The following GPR63 variants were observed in gnomAD, a reference collection of about 807,000 sequenced individuals.
GPR63 encodes G protein-coupled receptor 63.
Under a neutral mutation model 23.1 loss-of-function variants are expected in GPR63, and 12 were observed. The observed-to-expected ratio is 0.52, with a 90% CI of 0.33 to 0.84. The LOEUF (loss-of-function observed/expected upper bound fraction) is 0.84, where lower values mean the gene tolerates loss of function less well. GPR63 is among the 40% of genes least tolerant of loss of function. The pLI is 0.02. For synonymous variants in GPR63, 172 were observed against 191.1 expected (o/e 0.90, Z 0.82); for missense variants, 472 against 515.6 (o/e 0.92, Z 0.82).
Position 96,794,760 on chromosome 6 carries a change from G to C in GPR63, c.*3712C>G, listed in dbSNP as rs1562108636. The C allele has an allele frequency of 6.6e-6, 1 of 152,096 alleles. No homozygotes were observed. The highest frequency in any genetic ancestry group is 1.5e-5 in the Non-Finnish European group (1 of 68,018). The allele number at this position is 152,096 out of a possible 1,614,324, so 9.4% of individuals were successfully genotyped here. A position where few individuals can be genotyped will look rare whatever the true frequency, so the allele number is the denominator to read the frequency against. ...AGAAAATAAAATATGAGCATAATTA[G>C]ACTGCTGAAAGTCATGACTTTCAAT... is the stretch of plus-strand genomic sequence containing the variant. On this transcript the variant is annotated 3_prime_UTR_variant, in exon 2 of 2. Transcript: ENST00000229955.
chr6:96,825,168 A>G (rs1170858175), intron 1 of GPR63, among the ~76,000 whole-genome samples: 4 of 152,172 alleles, frequency 2.6e-5, no homozygotes, highest in Non-Finnish European at 5.9e-5. Context: ...AGTGATGTGT[A>G]TATGTGTATG....
chr6:96,824,661 A>C lies in GPR63; in HGVS notation c.-151+12607T>G, dbSNP rs541003120. Among the ~76,000 whole-genome samples the C allele has an allele frequency of 3.5e-3, 526 of 152,066 alleles. 5 individuals carry two copies. Among genetic ancestry groups the C allele is most frequent in the African/African-American group, 0.012 (501 of 41,488 alleles). On this transcript the variant is annotated intron_variant, in intron 1 of 1. Coordinates refer to ENST00000229955, the MANE Select transcript of GPR63 (RefSeq NM_030784.4). ...ACTTTTAAAAAAATGAAAAAAAAAA[A>C]AAATGATAAAATGGCTGTGTTCTTA...
At position 96,799,489 on chromosome 6, in the gene GPR63, C is replaced by G. The variant is rs1259399805; in HGVS notation, c.243G>C (p.Gln81His). 8 of 1,614,026 alleles carry G rather than the reference C, an allele frequency of 5.0e-6. No homozygotes were observed. Among genetic ancestry groups the G allele is most frequent in the East Asian group, 2.2e-5 (1 of 44,878 alleles). Residue 81 changes from glutamine (Q) to histidine (H), a missense_variant, in exon 2 of 2, where the codon CAG becomes CAC. Physicochemically the swap from Gln to His is conservative, Grantham distance 24. Transcript: ENST00000229955. ...AAFKSLNLPL[Q>H]ITLSAIMIFI... ...ATATCATTATAGCAGAAAGGGTGAT[C>G]TGAAGAGGCAAGTTTAGGCTCTTAA... is the stretch of plus-strand genomic sequence containing the variant.
At chr6:96,816,057 T>C (rs1414489458) in intron 1 of GPR63, among the ~76,000 whole-genome samples, 7 of 152,194 alleles carry the variant, frequency 4.6e-5, no homozygotes, top group Non-Finnish European at 5.9e-5. Flanking sequence ...ATTATTCTGG[T>C]CTATTAATAT....
chr6:96,815,422 G>A (rs1339317427), intron 1 of GPR63, among the ~76,000 whole-genome samples: 3 of 151,826 alleles, frequency 2.0e-5, no homozygotes, highest in Admixed American at 6.6e-5. Context: ...GGACTGGGGA[G>A]AGGGAGAAAT....
chr6:96,814,515 G>A (rs1050689187), intron 1 of GPR63, among the ~76,000 whole-genome samples: 4 of 152,116 alleles, frequency 2.6e-5, no homozygotes, highest in African/African-American at 9.7e-5. Flanking sequence ...AAGGCTCAGA[G>A]GGCAATGTGC....
intron 1 of GPR63, among the ~76,000 whole-genome samples, chr6:96,836,179 G>T (rs957598709): frequency 6.6e-6 from 1 of 151,852 alleles, no homozygotes; most frequent in African/African-American, 2.4e-5. Context: ...TTTACCCACG[G>T]GACACGTGGG....
rs1773643264 is a variant in GPR63, at chr6:96,798,241, T to C, written c.*231A>G. The C allele has an allele frequency of 4.4e-6, 2 of 452,842 alleles. No individual in the cohort carries two copies. The highest frequency in any genetic ancestry group is 7.9e-5 in the Admixed American group (2 of 25,344). The allele number at this position is 452,842 out of a possible 1,614,324, so 28.1% of individuals were successfully genotyped here. On this transcript the variant is annotated 3_prime_UTR_variant, in exon 2 of 2. Transcript: ENST00000229955. ...AAAACCCCAAAACCAAAAAAAAGTC[T>C]CCTCACCCTAAATTGAGGATTTCTA...
At chr6:96,830,475 A>C (rs575959222) in intron 1 of GPR63, among the ~76,000 whole-genome samples, 1 of 152,326 alleles carries the variant, frequency 6.6e-6, no homozygotes, top group South Asian at 2.1e-4. Flanking sequence ...AACAAAAAGC[A>C]TATTTAGCAC....
chr6:96,808,034 A>G (rs972355658), intron 1 of GPR63, among the ~76,000 whole-genome samples: 1 of 152,208 alleles, frequency 6.6e-6, no homozygotes, highest in Non-Finnish European at 1.5e-5. Context: ...AATACAACAT[A>G]CAGAAATGCC....
At chr6:96,833,016 A>C (rs1190393552) in intron 1 of GPR63, among the ~76,000 whole-genome samples, 1 of 152,032 alleles carries the variant, frequency 6.6e-6, no homozygotes, top group Non-Finnish European at 1.5e-5. Flanking sequence ...GCTGAGTAGG[A>C]ACAAGCTGAG....
At chr6:96,832,358 G>C (rs1332990698) in intron 1 of GPR63, among the ~76,000 whole-genome samples, 1 of 152,030 alleles carries the variant, frequency 6.6e-6, no homozygotes, top group Non-Finnish European at 1.5e-5. Flanking sequence ...TCAACCTCCA[G>C]GGCTCAAGCA....
rs1036404345 is a variant in GPR63, at chr6:96,795,241, C to CT, written c.*3230dup. ...TATTTGGAATTTCCCTTGCATCTTT[C>CT]TTTTGACCACAAATATTTCATTATC... is the stretch of plus-strand genomic sequence containing the variant. On this transcript the variant is annotated 3_prime_UTR_variant, in exon 2 of 2. Coordinates refer to ENST00000229955, the MANE Select transcript of GPR63 (RefSeq NM_030784.4). 1.3e-5 allele frequency: 2 copies of CT among 152,192 alleles called. No homozygotes were observed. The highest frequency in any genetic ancestry group is 4.8e-5 in the African/African-American group (2 of 41,460). 9.4% of individuals were successfully genotyped at this position (152,192 alleles called of 1,614,324 possible).
intron 1 of GPR63, among the ~76,000 whole-genome samples, chr6:96,817,902 C>T (rs1353555501): frequency 7.3e-5 from 11 of 150,688 alleles, no homozygotes; most frequent in Non-Finnish European, 1.0e-4. Context: ...TTTCACTGAA[C>T]TGTGCCCGTA....
Position 96,798,213 on chromosome 6 carries a change from G to T in GPR63, c.*259C>A. 1 of 381,770 alleles carries T rather than the reference G, an allele frequency of 2.6e-6. No individual in the cohort carries two copies. Among genetic ancestry groups the T allele is most frequent in the Non-Finnish European group, 4.7e-6 (1 of 214,418 alleles). The allele number at this position is 381,770 out of a possible 1,614,324, so 23.6% of individuals were successfully genotyped here. On this transcript the variant is annotated 3_prime_UTR_variant, in exon 2 of 2. Transcript: ENST00000229955. ...CCACTATGAAAACAAAATCAATCAAGGAAAAACCCCAAAACCAAAAAAAAG... is the reference window on the plus strand; with the variant it reads ...CCACTATGAAAACAAAATCAATCAATGAAAAACCCCAAAACCAAAAAAAAG...
intron 1 of GPR63, among the ~76,000 whole-genome samples, chr6:96,804,656 A>C (rs1773852126): frequency 6.6e-6 from 1 of 152,142 alleles, no homozygotes; most frequent in Non-Finnish European, 1.5e-5. Flanking sequence ...AATTATTTTA[A>C]AGGTTTTTTC....
At chr6:96,815,067 T>C (rs970049720) in intron 1 of GPR63, among the ~76,000 whole-genome samples, 20 of 152,226 alleles carry the variant, frequency 1.3e-4, no homozygotes, top group Non-Finnish European at 7.3e-5. Context: ...TTTATGTGCA[T>C]GCTTTAGAAC....
At chr6:96,801,050 T>C (rs1773750307) in intron 1 of GPR63, among the ~76,000 whole-genome samples, 1 of 152,182 alleles carries the variant, frequency 6.6e-6, no homozygotes, top group African/African-American at 2.4e-5. Flanking sequence ...CTTCCGTAGG[T>C]CTTTACTGGA....
intron 1 of GPR63, among the ~76,000 whole-genome samples, chr6:96,810,761 A>C (rs1179371560): frequency 6.6e-6 from 1 of 152,206 alleles, no homozygotes; most frequent in African/African-American, 2.4e-5. Flanking sequence ...AACAGACCAA[A>C]CGGACAAAAG....
Sources: gnomAD v4.1 joint callset for allele counts (sites outside exome capture counted in the v4.1 genomes callset) on GRCh38, gnomAD v4.1.1 for gene constraint, MANE v1.5 for transcripts, NCBI Gene and HGNC (gene_info 2026-07-23, HGNC 2026-07-21) for gene names.